WDR37: variants seen among roughly 807,000 people sequenced by gnomAD.
The protein encoded by WDR37 is WD repeat-containing protein 37.
In WDR37, 19 loss-of-function variants were observed where a neutral mutation model predicts 62.9. The observed-to-expected ratio is 0.30, with a 90% CI of 0.21 to 0.44. The LOEUF (loss-of-function observed/expected upper bound fraction) is 0.44. Ranked by LOEUF, WDR37 falls within the 20% of genes least tolerant of loss-of-function variation. The pLI is 1.00. For missense variants in WDR37, 474 were observed against 657.6 expected (o/e 0.72, Z 3.05); for synonymous variants, 250 against 260.9 (o/e 0.96, Z 0.40).
chr10:1,125,723 G>A (rs202143459), intron 13 of WDR37, among the ~76,000 whole-genome samples: 1 of 152,200 alleles, frequency 6.6e-6, no homozygotes, highest in East Asian at 1.9e-4. Context: ...GTTGGTTGTA[G>A]GCTGGGGGTC....
At chr10:1,059,957 G>T (rs948837801) in intron 1 of WDR37, among the ~76,000 whole-genome samples, 2 of 151,424 alleles carry the variant, frequency 1.3e-5, no homozygotes, top group African/African-American at 4.8e-5. Flanking sequence ...CAATTCTCGT[G>T]CCTCAGCCTC....
chr10:1,080,319 C>T (rs1564500345), intron 4 of WDR37, 93 bp from the exon 5 acceptor site: 3 of 1,532,336 alleles, frequency 2.0e-6, no homozygotes, highest in East Asian at 4.6e-5. Flanking sequence ...TTCTGGGCCC[C>T]CTTTCTTCCT....
At chr10:1,063,700 C>G (rs139305661) in intron 1 of WDR37, among the ~76,000 whole-genome samples, 8 of 152,126 alleles carry the variant, frequency 5.3e-5, no homozygotes, top group Non-Finnish European at 8.8e-5. Flanking sequence ...AGGCCACCCC[C>G]CTGTGGTGTG....
chr10:1,057,284 CAGA>C (rs1165050593), intron 1 of WDR37, among the ~76,000 whole-genome samples: 1 of 60,486 alleles, frequency 1.7e-5, no homozygotes, highest in Admixed American at 1.8e-4. Context: ...CGGGGCGGTG[CAGA>C]AGATGTCGGA....
rs750373129 is a variant in WDR37 at position 1,124,955 on chromosome 10, C to A, written c.1284C>A (p.Asp428Glu). Residue 428 changes from aspartate to glutamate, a missense_variant, in exon 13 of 14, where the codon GAC becomes GAA. Physicochemically the swap from Asp to Glu is conservative, Grantham distance 45. Coordinates refer to ENST00000263150, the MANE Select transcript of WDR37 (RefSeq NM_014023.4). ...AAAAAATCATAGCCCTCCCCCATGA[C>A]AACCGACAAGTGAGACTGTTTGATA... The part of the protein sequence containing the change: ...VGQKIIALPH[D>E]NRQVRLFDMS... The A allele has an allele frequency of 6.2e-7, 1 of 1,614,226 alleles. No individual in the cohort carries two copies. The highest frequency in any genetic ancestry group is 1.1e-5 in the South Asian group (1 of 91,086).
At position 1,105,382 on chromosome 10, in the gene WDR37, A is replaced by G. The variant is rs574342463; in HGVS notation, c.1103+115A>G. On this transcript the variant is annotated intron_variant, in intron 11 of 13. Coordinates refer to ENST00000263150, the MANE Select transcript of WDR37 (RefSeq NM_014023.4). The surrounding 1 kb of genome is among the most constrained non-coding windows in gnomAD (Gnocchi z 5.3). ...TATTTCCGACTCTACTATCTTTCAA[A>G]AAAATAACTACCTTTCAAATTCTGC... 2 of 1,278,850 alleles carry G rather than the reference A, an allele frequency of 1.6e-6. No individual in the cohort carries two copies. Among genetic ancestry groups the G allele is most frequent in the African/African-American group, 3.0e-5 (2 of 66,416 alleles). 79.2% of individuals were successfully genotyped at this position (1,278,850 alleles called of 1,614,324 possible). A position where few individuals can be genotyped will look rare whatever the true frequency, so the allele number is the denominator to read the frequency against.
At chr10:1,069,389 A>ATATATATATATATATATATATATTTTTT in intron 1 of WDR37, among the ~76,000 whole-genome samples, 1 of 95,804 alleles carries the variant, frequency 1.0e-5, no homozygotes, top group African/African-American at 4.7e-5. Flanking sequence ...ATATATATAT[A>ATATATATATATATATATATATATTTTTT]TTTTTTTTTT....
intron 13 of WDR37, 95 bp from the exon 14 acceptor site, chr10:1,129,118 G>C: frequency 6.5e-7 from 1 of 1,537,228 alleles, no homozygotes; most frequent in South Asian, 1.2e-5. Flanking sequence ...TATAACTTAC[G>C]TACTTTGAGT....
rs1156257534 is a variant in WDR37, at chr10:1,092,889, A to AC, written c.605-563_605-562insC. ...CTATCTCACAAAAAAAAAAAAAAAA[A>AC]AAAAAAAAAGAAGACCTCTGCCAAA... On this transcript the variant is annotated intron_variant, in intron 7 of 13. Transcript: ENST00000263150. 5.5e-4 allele frequency among the ~76,000 whole-genome samples: 83 copies of AC among 150,756 alleles called. 3 individuals are homozygous for AC. The highest frequency in any genetic ancestry group is 2.0e-3 in the African/African-American group (81 of 41,116).
intron 6 of WDR37, 98 bp from the exon 7 acceptor site, chr10:1,086,188 G>T: frequency 1.1e-6 from 1 of 943,126 alleles, no homozygotes; most frequent in Non-Finnish European, 1.7e-6. Flanking sequence ...CAGTGGTCGT[G>T]TAATTTCCCA....
intron 9 of WDR37, among the ~76,000 whole-genome samples, chr10:1,097,555 G>A (rs1190990826): frequency 6.6e-6 from 1 of 152,232 alleles, no homozygotes; most frequent in Non-Finnish European, 1.5e-5. Context: ...ACAAGAGCCT[G>A]TTTCTTCCTT....
intron 4 of WDR37, 109 bp downstream of exon 4, chr10:1,080,215 A>G: frequency 2.2e-6 from 3 of 1,337,838 alleles, no homozygotes; most frequent in Non-Finnish European, 3.2e-6. Context: ...CAGACCTCGA[A>G]CTATCTAATT....
chr10:1,077,296 C>T (rs187580114), intron 2 of WDR37, among the ~76,000 whole-genome samples: 158 of 152,340 alleles, frequency 1.0e-3, no homozygotes, highest in African/African-American at 3.7e-3. Context: ...GGGAAACACA[C>T]AGGCATGAAG....
intron 1 of WDR37, among the ~76,000 whole-genome samples, chr10:1,065,812 A>G (rs1490651022): frequency 6.6e-6 from 1 of 152,218 alleles, no homozygotes; most frequent in Admixed American, 6.5e-5. Context: ...TTAAGATAGT[A>G]CTGGAATTTC....
At chr10:1,114,780 A>G (rs1432047711) in intron 11 of WDR37, among the ~76,000 whole-genome samples, 3 of 152,234 alleles carry the variant, frequency 2.0e-5, no homozygotes, top group Non-Finnish European at 4.4e-5. Context: ...TTCACCCGGC[A>G]GTGTAATTCC....
At chr10:1,101,673 T>C (rs1302441233) in intron 9 of WDR37, among the ~76,000 whole-genome samples, 1 of 152,164 alleles carries the variant, frequency 6.6e-6, no homozygotes, top group Admixed American at 6.6e-5. Flanking sequence ...TAAAACCTGG[T>C]GTCCTTTCCA....
chr10:1,123,617 T>C (rs940065427), intron 11 of WDR37, among the ~76,000 whole-genome samples: 8 of 152,248 alleles, frequency 5.3e-5, no homozygotes, highest in Non-Finnish European at 1.0e-4. Context: ...ACATGTGGGT[T>C]GTTTGCACCT....
chr10:1,074,280 G>T lies in WDR37; in HGVS notation c.138+1987G>T. ...ATGTTCTAGAGTTGTCTCCTGCCTGGGGTGAAAGTGTTCTTTTCTGGGCCC... is the reference window on the plus strand; with the variant it reads ...ATGTTCTAGAGTTGTCTCCTGCCTGTGGTGAAAGTGTTCTTTTCTGGGCCC... On this transcript the variant is annotated intron_variant, in intron 2 of 13. Transcript: ENST00000263150. 13 of 1,175,414 alleles carry T rather than the reference G, an allele frequency of 1.1e-5. No homozygotes were observed. The South Asian group carries it at 2.0e-4, about 18-fold the overall frequency. The allele number at this position is 1,175,414 out of a possible 1,614,324, so 72.8% of individuals were successfully genotyped here. A position where few individuals can be genotyped will look rare whatever the true frequency, so the allele number is the denominator to read the frequency against.
chr10:1,105,418 C>G lies in WDR37; in HGVS notation c.1103+151C>G. ...CCTTTCAAATTCTGCTATTCTTTTTCTAAACATTTAGCTCCATTTTGGCTA... is the reference window on the plus strand; with the variant it reads ...CCTTTCAAATTCTGCTATTCTTTTTGTAAACATTTAGCTCCATTTTGGCTA... On this transcript the variant is annotated intron_variant, in intron 11 of 13. Transcript: ENST00000263150. The surrounding 1 kb of genome is among the most constrained non-coding windows in gnomAD (Gnocchi z 5.3). 2 of 1,128,442 alleles carry G rather than the reference C, an allele frequency of 1.8e-6. No homozygotes were observed. Among genetic ancestry groups the G allele is most frequent in the Non-Finnish European group, 2.5e-6 (2 of 809,966 alleles). 69.9% of individuals were successfully genotyped at this position (1,128,442 alleles called of 1,614,324 possible).
Sources: allele counts gnomAD v4.1 joint callset (sites outside exome capture counted in the v4.1 genomes callset), GRCh38; gene constraint gnomAD v4.1.1; non-coding constraint Gnocchi (gnomAD v3.1); transcripts MANE v1.5; gene names NCBI Gene and HGNC (gene_info 2026-07-23, HGNC 2026-07-21).